Variants in ASAP2 observed in about 807,000 individuals in gnomAD.
The protein encoded by ASAP2 is ArfGAP with SH3 domain, ankyrin repeat and PH domain 2.
ASAP2 carries 45 observed loss-of-function variants against 131.4 expected under a neutral mutation model. That is an observed-to-expected ratio of 0.34 (90% CI 0.27 to 0.44). The LOEUF is 0.44. ASAP2 is among the 20% of genes least tolerant of loss of function. ASAP2 has a pLI of 1.00. For synonymous variants in ASAP2, 510 were observed against 503.0 expected (o/e 1.01, Z -0.19); for missense variants, 1,011 against 1,297.0 (o/e 0.78, Z 3.39).
At chr2:9,247,496 T>C (rs1298452335) in intron 1 of ASAP2, among the ~76,000 whole-genome samples, 1 of 152,170 alleles carries the variant, frequency 6.6e-6, no homozygotes, top group African/African-American at 2.4e-5. Flanking sequence ...TTGATTTGAG[T>C]GCTTCTGTGG....
intron 22 of ASAP2, 128 bp from the exon 23 acceptor site, chr2:9,390,934 G>A (rs1235800950): frequency 3.6e-6 from 5 of 1,404,322 alleles, no homozygotes; most frequent in Non-Finnish European, 3.9e-6. Context: ...AGGGTTCTAG[G>A]TAGAAGGGTC....
chr2:9,294,062 G>A (rs1220859642), intron 2 of ASAP2, among the ~76,000 whole-genome samples: 3 of 150,166 alleles, frequency 2.0e-5, no homozygotes, highest in African/African-American at 4.9e-5. Flanking sequence ...GCAGTGGTGC[G>A]ATCTCTGCCC....
intron 11 of ASAP2, 133 bp from the exon 12 acceptor site, chr2:9,350,675 C>A: frequency 3.0e-6 from 2 of 665,318 alleles, no homozygotes; most frequent in Non-Finnish European, 4.8e-6. Context: ...CTTCCTCTGT[C>A]AAGTCTGAAG....
intron 1 of ASAP2, among the ~76,000 whole-genome samples, chr2:9,215,700 A>T (rs1349737348): frequency 6.8e-6 from 1 of 146,690 alleles, no homozygotes; most frequent in East Asian, 2.0e-4. Flanking sequence ...GGATTCTTTA[A>T]CCACTCTGTT....
rs181146507 is a variant in ASAP2 at position 9,396,351 on chromosome 2, C to T, written c.2684+2704C>T. Among the ~76,000 whole-genome samples, 346 of 152,186 alleles carry T rather than the reference C, an allele frequency of 2.3e-3. 3 individuals carry two copies. Among genetic ancestry groups the T allele is most frequent in the African/African-American group, 7.9e-3 (329 of 41,502 alleles). Reference sequence around the variant, plus strand: ...GTACAGTGGTGTGATCACGGTTCACCGCAGCCTCGACCTCCTGGGCCCAGG... The same window carrying T: ...GTACAGTGGTGTGATCACGGTTCACTGCAGCCTCGACCTCCTGGGCCCAGG... On this transcript the variant is annotated intron_variant, in intron 24 of 27. Transcript: ENST00000281419.
chr2:9,287,476 C>T lies in ASAP2; in HGVS notation c.199+8087C>T, dbSNP rs987397831. ...TTGTAGGACGGATATCTGAAGGACG[C>T]GGGGCTCCTGGTTTCGGAAGGGGCA... On this transcript the variant is annotated intron_variant, in intron 2 of 27. Transcript: ENST00000281419. Among the ~76,000 whole-genome samples the T allele has an allele frequency of 3.3e-5, 5 of 152,246 alleles. No homozygotes were observed. In the South Asian group the frequency reaches 6.2e-4, roughly 19 times the overall value.
At chr2:9,296,626 G>A (rs1668168971) in intron 2 of ASAP2, among the ~76,000 whole-genome samples, 1 of 152,252 alleles carries the variant, frequency 6.6e-6, no homozygotes, top group Non-Finnish European at 1.5e-5. Context: ...TCAACTCTAA[G>A]CACATCCGAT....
chr2:9,265,699 T>G (rs1164246565), intron 1 of ASAP2, among the ~76,000 whole-genome samples: 6 of 152,204 alleles, frequency 3.9e-5, no homozygotes, highest in African/African-American at 1.2e-4. Context: ...TTTTTTTCTT[T>G]GCTTTTACAA....
chr2:9,245,089 C>T (rs1275216786), intron 1 of ASAP2, among the ~76,000 whole-genome samples: 1 of 152,016 alleles, frequency 6.6e-6, no homozygotes, highest in Non-Finnish European at 1.5e-5. Context: ...TGGCCTTGGG[C>T]AAGTCACTTT....
At chr2:9,230,282 C>A (rs904133330) in intron 1 of ASAP2, among the ~76,000 whole-genome samples, 2 of 152,184 alleles carry the variant, frequency 1.3e-5, no homozygotes, top group Admixed American at 6.5e-5. Flanking sequence ...GGCTTGTTTG[C>A]TCAGGGTCTG....
At chr2:9,231,384 A>G (rs913595090) in intron 1 of ASAP2, among the ~76,000 whole-genome samples, 2 of 152,130 alleles carry the variant, frequency 1.3e-5, no homozygotes, top group African/African-American at 4.8e-5. Context: ...ATCTAACTTT[A>G]AGACCCAGTT....
intron 1 of ASAP2, among the ~76,000 whole-genome samples, chr2:9,212,402 T>C (rs1466228873): frequency 6.6e-6 from 1 of 152,054 alleles, no homozygotes; most frequent in Non-Finnish European, 1.5e-5. Context: ...AGTCTTGAAG[T>C]CCAGGCAGTT....
At chr2:9,355,553 G>A (rs1186577835) in intron 12 of ASAP2, among the ~76,000 whole-genome samples, 3 of 152,090 alleles carry the variant, frequency 2.0e-5, no homozygotes, top group Non-Finnish European at 4.4e-5. Context: ...TTTTATATTC[G>A]ACCATTATTT....
chr2:9,286,317 G>A (rs1483958197), intron 2 of ASAP2, among the ~76,000 whole-genome samples: 1 of 152,050 alleles, frequency 6.6e-6, no homozygotes, highest in Non-Finnish European at 1.5e-5. Context: ...AAGATTACAT[G>A]AACCTGGGAG....
chr2:9,328,949 G>A (rs1268287749), intron 7 of ASAP2, among the ~76,000 whole-genome samples: 1 of 152,124 alleles, frequency 6.6e-6, no homozygotes, highest in East Asian at 1.9e-4. Context: ...AAAGATTTAG[G>A]GTAGAGTTTT....
intron 6 of ASAP2, among the ~76,000 whole-genome samples, chr2:9,323,906 A>T (rs1670320600): frequency 6.6e-6 from 1 of 152,136 alleles, no homozygotes; most frequent in Non-Finnish European, 1.5e-5. Context: ...TTGCTCACAG[A>T]TTTTTTATTT....
intron 9 of ASAP2, among the ~76,000 whole-genome samples, chr2:9,335,740 T>C (rs1671163669): frequency 6.6e-6 from 1 of 152,232 alleles, no homozygotes; most frequent in Non-Finnish European, 1.5e-5. Context: ...GGACAGTTTG[T>C]GTTGTGGGGA....
intron 1 of ASAP2, chr2:9,271,363 C>A: frequency 7.9e-7 from 1 of 1,267,196 alleles, no homozygotes. Context: ...TATGTTCTTG[C>A]ACCTGTCACC....
intron 1 of ASAP2, among the ~76,000 whole-genome samples, chr2:9,275,701 T>G (rs1666719006): frequency 6.6e-6 from 1 of 152,212 alleles, no homozygotes; most frequent in South Asian, 2.1e-4. Flanking sequence ...TGCCTGGCAC[T>G]TGAGCCCCTG....
Sources: allele counts gnomAD v4.1 joint callset (sites outside exome capture counted in the v4.1 genomes callset), GRCh38; gene constraint gnomAD v4.1.1; transcripts MANE v1.5; gene names NCBI Gene and HGNC (gene_info 2026-07-23, HGNC 2026-07-21).